The following FANCD2 variants were observed in gnomAD, a reference collection of about 807,000 sequenced individuals.
FANCD2 encodes Fanconi anemia group D2 protein.
Under a neutral mutation model 192.3 loss-of-function variants are expected in FANCD2, and 131 were observed. That is an observed-to-expected ratio of 0.68 (90% CI 0.59 to 0.79). The LOEUF (loss-of-function observed/expected upper bound fraction) is 0.79, where lower values mean the gene tolerates loss of function less well. Among genes scored for constraint, FANCD2 ranks in the 30% least tolerant of loss-of-function variants. FANCD2 has a pLI of 0.00. For synonymous variants in FANCD2, 524 were observed against 612.5 expected (o/e 0.86, Z 2.13); for missense variants, 1,508 against 1,701.6 (o/e 0.89, Z 2.00).
Position 10,039,374 on chromosome 3 carries a change from TATCTCTTGAATTTA to T in FANCD2, c.570+19_570+32del. ...GATGGCAAGGTAGGCTTATGGACTT[TATCTCTTGAATTTA>T]AAGAGTATGTTTCTCATATCTTTTG... On this transcript the variant is annotated intron_variant, in intron 8 of 43. Coordinates refer to ENST00000675286, the MANE Select transcript of FANCD2 (RefSeq NM_001018115.3). 1 of 1,593,070 alleles carries T rather than the reference TATCTCTTGAATTTA, an allele frequency of 6.3e-7. No individual in the cohort carries two copies. Among genetic ancestry groups the T allele is most frequent in the Non-Finnish European group, 8.6e-7 (1 of 1,161,108 alleles).
At chr3:10,087,402 CAAG>C in intron 34 of FANCD2, 138 bp downstream of exon 34, 2 of 785,536 alleles carry the variant, frequency 2.5e-6, no homozygotes, top group Non-Finnish European at 4.0e-6. Context: ...CTTGCTATAC[CAAG>C]AAGGTCATTT....
chr3:10,075,430 C>T (rs536308796), intron 29 of FANCD2, among the ~76,000 whole-genome samples: 3 of 152,258 alleles, frequency 2.0e-5, no homozygotes, highest in East Asian at 3.9e-4. Flanking sequence ...CGTGATCACC[C>T]GCCTTGGCCT....
intron 19 of FANCD2, among the ~76,000 whole-genome samples, chr3:10,061,352 G>A (rs969480668): frequency 2.0e-5 from 3 of 152,116 alleles, no homozygotes; most frequent in South Asian, 2.1e-4. Flanking sequence ...AACCGCCACC[G>A]GCTCAGATAG....
At chr3:10,037,916 G>A (rs1182943944) in intron 7 of FANCD2, among the ~76,000 whole-genome samples, 1 of 152,128 alleles carries the variant, frequency 6.6e-6, no homozygotes, top group Non-Finnish European at 1.5e-5. Flanking sequence ...TACCTTTCTG[G>A]AATGACAGGA....
rs926888735 is a variant in FANCD2, at chr3:10,039,479, T to G, written c.570+122T>G. On this transcript the variant is annotated intron_variant, in intron 8 of 43. Coordinates refer to ENST00000675286, the MANE Select transcript of FANCD2 (RefSeq NM_001018115.3). ...CTTTTCCATCCATCCATTAGCTTTT[T>G]CCAATTTTCATAATTTGAGAATCAT... 3.3e-5 allele frequency: 33 copies of G among 1,012,608 alleles called. No individual in the cohort carries two copies. The South Asian group carries it at 5.0e-4, about 15-fold the overall frequency. The allele number at this position is 1,012,608 out of a possible 1,614,324, so 62.7% of individuals were successfully genotyped here. A position where few individuals can be genotyped will look rare whatever the true frequency, so the allele number is the denominator to read the frequency against.
At chr3:10,055,279 T>C (rs2125018900) in intron 18 of FANCD2, among the ~76,000 whole-genome samples, 1 of 152,268 alleles carries the variant, frequency 6.6e-6, no homozygotes, top group African/African-American at 2.4e-5. Context: ...TAGAACTTCC[T>C]GATCATCCCA....
intron 7 of FANCD2, among the ~76,000 whole-genome samples, chr3:10,038,046 A>G (rs533219303): frequency 2.6e-5 from 4 of 152,218 alleles, no homozygotes; most frequent in African/African-American, 4.8e-5. Context: ...GCTAGAGTAC[A>G]GTGGTGCGAT....
At position 10,098,766 on chromosome 3, in the gene FANCD2, A is replaced by C. The variant is rs753252480; in HGVS notation, c.4232A>C (p.Glu1411Ala). 1 of 1,614,084 alleles carries C rather than the reference A, an allele frequency of 6.2e-7. No individual in the cohort carries two copies. The part of the protein sequence containing the change: ...SQNSQESTAD[E>A]SEDDMSSQAS... Reference sequence around the variant, plus strand: ...AATTCCCAGGAGAGCACAGCAGATGAGAGTGAGGATGACATGTCATCCCAG... The same window carrying C: ...AATTCCCAGGAGAGCACAGCAGATGCGAGTGAGGATGACATGTCATCCCAG... Residue 1411 changes from glutamate (E) to alanine (A), a missense_variant, in exon 43 of 44, where the codon GAG becomes GCG. Transcript: ENST00000675286.
At chr3:10,026,507 A>G in intron 1 of FANCD2, 34 bp downstream of exon 1, 1 of 506,950 alleles carries the variant, frequency 2.0e-6, no homozygotes, top group Non-Finnish European at 2.6e-6. Context: ...TAGTCTCTCG[A>G]GGCCCCGCTC....
chr3:10,084,290 C>CT (rs112071263), intron 32 of FANCD2, among the ~76,000 whole-genome samples: 5,597 of 142,794 alleles, frequency 0.039, 397 homozygotes, highest in African/African-American at 0.14. Flanking sequence ...CTACACCTGG[C>CT]TTTTTTTTTT....
At chr3:10,042,215 A>G (rs188329749) in intron 10 of FANCD2, among the ~76,000 whole-genome samples, 46 of 152,276 alleles carry the variant, frequency 3.0e-4, no homozygotes, top group Non-Finnish European at 5.9e-5. Context: ...GTTTTTAAGC[A>G]GTAAGTTTTG....
At chr3:10,088,108 C>T (rs1450585550) in intron 34 of FANCD2, among the ~76,000 whole-genome samples, 1 of 152,192 alleles carries the variant, frequency 6.6e-6, no homozygotes, top group East Asian at 1.9e-4. Flanking sequence ...GTGACCACTG[C>T]TATTGGCCAG....
Position 10,073,349 on chromosome 3 carries a change from G to T in FANCD2, c.2702G>T (p.Gly901Val), listed in dbSNP as rs35495399. 0.03 allele frequency: 48,107 copies of T among 1,611,202 alleles called. 860 individuals carry two copies. Among genetic ancestry groups the T allele is most frequent in the Non-Finnish European group, 0.036 (42,162 of 1,177,412 alleles). The change falls in exon 28 of 44, where the codon GGC (glycine) becomes GTC (valine). Residue 901 changes from glycine (G) to valine (V), a missense_variant. This residue lies in a region of FANCD2 where 796 missense variants were observed against 879.4 expected (regional missense o/e 0.91). Coordinates refer to ENST00000675286, the MANE Select transcript of FANCD2 (RefSeq NM_001018115.3). ...SECDPTPSHRGQLNKEFTGKE... is the reference protein window; with the variant it reads ...SECDPTPSHRVQLNKEFTGKE... ...TGTGACCCTACGCCATCTCATAGAGGCCAGCTAAACAAGGTATTGGAATGA... is the reference window on the plus strand; with the variant it reads ...TGTGACCCTACGCCATCTCATAGAGTCCAGCTAAACAAGGTATTGGAATGA...
chr3:10,044,988 A>G (rs1185707311), intron 14 of FANCD2, among the ~76,000 whole-genome samples: 1 of 151,960 alleles, frequency 6.6e-6, no homozygotes, highest in Non-Finnish European at 1.5e-5. Flanking sequence ...TTCTGGTCTA[A>G]TAACTCAGTT....
Position 10,041,702 on chromosome 3 carries a change from C to T in FANCD2, c.775C>T (p.Leu259=). The T allele has an allele frequency of 6.2e-7, 1 of 1,613,284 alleles. No individual in the cohort carries two copies. Among genetic ancestry groups the T allele is most frequent in the Non-Finnish European group, 8.5e-7 (1 of 1,179,314 alleles). The change falls in exon 10 of 44, where the codon CTA becomes TTA. Residue 259 remains leucine (L), a synonymous_variant. Transcript: ENST00000675286. ...AAGCCTCCGACTTGACCCAAACTTC[C>T]TATTGAAGGTAGAAAAGACTCAGCT... ...LSSLRLDPNF[L]LKVRQLVMDK... is the part of the protein sequence containing the mutation.
chr3:10,058,611 C>T (rs1261125783), intron 18 of FANCD2, among the ~76,000 whole-genome samples: 1 of 152,172 alleles, frequency 6.6e-6, no homozygotes, highest in East Asian at 1.9e-4. Flanking sequence ...GGTCCTTTCA[C>T]CATTGAAATT....
intron 25 of FANCD2, among the ~76,000 whole-genome samples, chr3:10,066,831 TCTC>T (rs1214004041): frequency 6.6e-6 from 1 of 152,102 alleles, no homozygotes; most frequent in Non-Finnish European, 1.5e-5. Flanking sequence ...TTCAGGCAAT[TCTC>T]CTTCTTCAGC....
intron 3 of FANCD2, among the ~76,000 whole-genome samples, chr3:10,033,807 T>TCTG (rs1553607002): frequency 7.8e-4 from 116 of 149,290 alleles, no homozygotes; most frequent in African/African-American, 2.8e-3. Context: ...TTCACACCAT[T>TCTG]CTGCCTCAGC....
intron 20 of FANCD2, among the ~76,000 whole-genome samples, chr3:10,063,078 T>C (rs900682355): frequency 6.6e-6 from 1 of 152,206 alleles, no homozygotes; most frequent in Admixed American, 6.5e-5. Context: ...ATGCCATGTT[T>C]ATGGAATAAC....
Sources: gnomAD v4.1 joint callset for allele counts (sites outside exome capture counted in the v4.1 genomes callset) on GRCh38, gnomAD v4.1.1 for gene constraint, gnomAD v4.1.1 regional missense constraint, MANE v1.5 for transcripts, NCBI Gene and HGNC (gene_info 2026-07-23, HGNC 2026-07-21) for gene names.